GRIK2: variants seen among roughly 807,000 people sequenced by gnomAD.
GRIK2 encodes glutamate ionotropic receptor kainate type subunit 2, also known as glutamate receptor ionotropic, kainate 2.
In GRIK2, 32 loss-of-function variants were observed where a neutral mutation model predicts 100.3. The observed-to-expected ratio is 0.32, with a 90% CI of 0.24 to 0.43. The LOEUF is 0.43. Ranked by LOEUF, GRIK2 falls within the 20% of genes least tolerant of loss-of-function variation. The pLI is 1.00. For synonymous variants in GRIK2, 417 were observed against 389.4 expected (o/e 1.07, Z -0.83); for missense variants, 843 against 1,114.9 (o/e 0.76, Z 3.47).
intron 14 of GRIK2, among the ~76,000 whole-genome samples, chr6:102,025,586 G>A (rs1317362678): frequency 1.3e-5 from 2 of 151,160 alleles, no homozygotes; most frequent in Admixed American, 1.3e-4. Flanking sequence ...AAACAGCATA[G>A]TCAAAGACCC....
chr6:101,441,455 T>A (rs971378399), intron 2 of GRIK2, among the ~76,000 whole-genome samples: 2 of 152,142 alleles, frequency 1.3e-5, no homozygotes, highest in African/African-American at 2.4e-5. Context: ...GAGAACAAGT[T>A]TTTTGTTTTT....
At chr6:101,808,474 G>C (rs1316231302) in intron 9 of GRIK2, among the ~76,000 whole-genome samples, 1 of 151,934 alleles carries the variant, frequency 6.6e-6, no homozygotes, top group Non-Finnish European at 1.5e-5. Flanking sequence ...AGAGAAAAAA[G>C]TCAGTCTTTT....
intron 9 of GRIK2, among the ~76,000 whole-genome samples, chr6:101,812,019 T>A (rs1781362807): frequency 6.6e-6 from 1 of 151,400 alleles, no homozygotes; most frequent in African/African-American, 2.4e-5. Context: ...GTGTAAAATA[T>A]TTATTTAAAA....
At chr6:101,783,005 C>T (rs537877011) in intron 7 of GRIK2, among the ~76,000 whole-genome samples, 66 of 151,904 alleles carry the variant, frequency 4.3e-4, no homozygotes, top group African/African-American at 1.5e-3. Context: ...TACAGGCACC[C>T]GCCACCATGC....
At chr6:101,523,720 C>CTTTTTT (rs1163558120) in intron 2 of GRIK2, among the ~76,000 whole-genome samples, 11 of 121,546 alleles carry the variant, frequency 9.1e-5, no homozygotes, top group South Asian at 2.9e-4. Context: ...ACTCCTAAGT[C>CTTTTTT]TTTTTTTTTT....
chr6:101,421,599 T>G, intron 2 of GRIK2, among the ~76,000 whole-genome samples: 1 of 152,206 alleles, frequency 6.6e-6, no homozygotes, highest in East Asian at 1.9e-4. Context: ...CTTTATTGAG[T>G]AATGTCTTAA....
At chr6:101,934,799 C>T (rs887777259) in intron 14 of GRIK2, among the ~76,000 whole-genome samples, 6 of 151,782 alleles carry the variant, frequency 4.0e-5, no homozygotes, top group South Asian at 4.1e-4. Context: ...AAAATTGCAA[C>T]GATAGTGTGC....
At chr6:101,644,632 C>A (rs998084725) in intron 4 of GRIK2, among the ~76,000 whole-genome samples, 4 of 151,726 alleles carry the variant, frequency 2.6e-5, no homozygotes, top group African/African-American at 9.7e-5. Context: ...CCTCATAATG[C>A]TGCTTACCAA....
At chr6:101,722,938 G>A (rs1051545671) in intron 7 of GRIK2, among the ~76,000 whole-genome samples, 9 of 151,992 alleles carry the variant, frequency 5.9e-5, no homozygotes, top group Admixed American at 2.6e-4. Flanking sequence ...CCTTTTAAGG[G>A]TCCAATCCTT....
intron 2 of GRIK2, among the ~76,000 whole-genome samples, chr6:101,457,715 A>G (rs1188669134): frequency 1.3e-5 from 2 of 152,070 alleles, no homozygotes; most frequent in Non-Finnish European, 2.9e-5. Context: ...TAAAATTTAC[A>G]GTTTTGGTGC....
At chr6:101,682,236 G>A (rs995371464) in intron 5 of GRIK2, among the ~76,000 whole-genome samples, 10 of 152,116 alleles carry the variant, frequency 6.6e-5, no homozygotes, top group Admixed American at 2.0e-4. Context: ...AAGACGTTAC[G>A]AATGTAACAA....
chr6:101,888,373 C>T (rs968720386), intron 11 of GRIK2, among the ~76,000 whole-genome samples: 1 of 152,154 alleles, frequency 6.6e-6, no homozygotes, highest in African/African-American at 2.4e-5. Flanking sequence ...GGGAATGTGA[C>T]AATTCCTGTG....
chr6:102,014,197 C>A (rs1180538552), intron 14 of GRIK2, among the ~76,000 whole-genome samples: 1 of 81,862 alleles, frequency 1.2e-5, no homozygotes, highest in East Asian at 4.4e-4. Flanking sequence ...CATTAATTTA[C>A]CAATTTCTTC....
At chr6:102,015,646 T>C (rs1369634628) in intron 14 of GRIK2, among the ~76,000 whole-genome samples, 1 of 152,162 alleles carries the variant, frequency 6.6e-6, no homozygotes, top group African/African-American at 2.4e-5. Context: ...TAAATGCATG[T>C]ACTCCACCGT....
At chr6:101,582,779 T>G (rs1778162897) in intron 2 of GRIK2, among the ~76,000 whole-genome samples, 1 of 152,170 alleles carries the variant, frequency 6.6e-6, no homozygotes, top group African/African-American at 2.4e-5. Context: ...ATAATGGAAC[T>G]GTATAGTTCA....
In GRIK2 at chr6:102,068,940, C is replaced by G. The variant is rs1772143744; in HGVS notation, c.*429C>G. The G allele has an allele frequency of 6.2e-6, 1 of 162,580 alleles. No individual in the cohort carries two copies. The highest frequency in any genetic ancestry group is 1.3e-5 in the Non-Finnish European group (1 of 74,392). 10.1% of individuals were successfully genotyped at this position (162,580 alleles called of 1,614,324 possible). ...GCAAAAACTGTAGTGTTACAGGAAA[C>G]AGTACAGTCTTCTGAACACCCAGAT... On this transcript the variant is annotated 3_prime_UTR_variant, in exon 17 of 17. Transcript: ENST00000369134.
chr6:101,988,603 A>T lies in GRIK2; in HGVS notation c.2086-46738A>T, dbSNP rs1022489469. Among the ~76,000 whole-genome samples, 4 of 151,808 alleles carry T rather than the reference A, an allele frequency of 2.6e-5. No individual in the cohort carries two copies. The East Asian group carries it at 7.8e-4, about 30-fold the overall frequency. ...TGGGGTTAATAAAAGTGCTTGCCTCATAGGCTTATCAGTCAATTCTTGTAA... is the reference window on the plus strand; with the variant it reads ...TGGGGTTAATAAAAGTGCTTGCCTCTTAGGCTTATCAGTCAATTCTTGTAA... On this transcript the variant is annotated intron_variant, in intron 14 of 16. Transcript: ENST00000369134.
intron 7 of GRIK2, among the ~76,000 whole-genome samples, chr6:101,696,191 G>T (rs1772472393): frequency 1.3e-5 from 2 of 151,894 alleles, no homozygotes; most frequent in South Asian, 4.1e-4. Flanking sequence ...GATTTATAAT[G>T]AACACATTGC....
intron 7 of GRIK2, among the ~76,000 whole-genome samples, chr6:101,736,592 C>A (rs1775648723): frequency 6.6e-6 from 1 of 152,138 alleles, no homozygotes; most frequent in South Asian, 2.1e-4. Flanking sequence ...GTGGCTAGAG[C>A]AGCTGGGATG....
Sources: allele counts gnomAD v4.1 joint callset (sites outside exome capture counted in the v4.1 genomes callset), GRCh38; gene constraint gnomAD v4.1.1; transcripts MANE v1.5; gene names NCBI Gene and HGNC (gene_info 2026-07-23, HGNC 2026-07-21).